MICU3: variants seen among roughly 807,000 people sequenced by gnomAD.
MICU3 encodes the protein calcium uptake protein 3, mitochondrial.
A neutral mutation model predicts 66.5 loss-of-function variants in MICU3; 62 were observed. The ratio of observed to expected loss-of-function variants is 0.93; its 90% CI spans 0.76 to 1.15. The LOEUF (loss-of-function observed/expected upper bound fraction) is 1.15, where lower values mean the gene tolerates loss of function less well. Among genes scored for constraint, MICU3 ranks in the 50% most tolerant of loss-of-function variants. The probability of loss-of-function intolerance (pLI) is 0.00; values close to 1 mark genes in which losing one functional copy is unlikely to be tolerated. For missense variants in MICU3, 779 were observed against 664.4 expected, an observed-to-expected ratio of 1.17 and a Z score of -1.90; for synonymous variants, 308 against 240.7, an observed-to-expected ratio of 1.28 and a Z score of -2.59.
At chr8:17,086,636 T>C (rs1363470607) in intron 6 of MICU3, among the ~76,000 whole-genome samples, 1 of 152,140 alleles carries the variant, frequency 6.6e-6, no homozygotes, top group South Asian at 2.1e-4. Flanking sequence ...ATGTCCATAC[T>C]GCCAAGTTCC....
downstream of MICU3, among the ~76,000 whole-genome samples, chr8:17,123,950 A>T (rs1803335344): frequency 3.1e-5 from 1 of 32,068 alleles, no homozygotes; most frequent in South Asian, 1.0e-3. Context: ...AAAGTCTTTA[A>T]AAAAAAAAAA....
chr8:17,057,400 T>C (rs377353185), intron 1 of MICU3, among the ~76,000 whole-genome samples: 7 of 152,290 alleles, frequency 4.6e-5, no homozygotes, highest in African/African-American at 1.7e-4. Flanking sequence ...TGAGAGTATG[T>C]GGTTACCTCC....
intron 3 of MICU3, among the ~76,000 whole-genome samples, chr8:17,072,941 C>T (rs1319004618): frequency 6.6e-6 from 1 of 151,390 alleles, no homozygotes; most frequent in African/African-American, 2.4e-5. Flanking sequence ...GGCTGGAGTG[C>T]AGTGAGTGGC....
intron 1 of MICU3, among the ~76,000 whole-genome samples, chr8:17,034,168 C>T (rs1812569203): frequency 6.6e-6 from 1 of 152,170 alleles, no homozygotes; most frequent in East Asian, 1.9e-4. Context: ...ATCTATGCTA[C>T]CTGTGTTATG....
At chr8:17,085,777 T>C (rs1441909786) in intron 6 of MICU3, among the ~76,000 whole-genome samples, 1 of 152,158 alleles carries the variant, frequency 6.6e-6, no homozygotes, top group Non-Finnish European at 1.5e-5. Context: ...TCCCTGTTCC[T>C]TTCTGTTATC....
chr8:17,108,031 A>G (rs766842925), intron 11 of MICU3, among the ~76,000 whole-genome samples: 5 of 152,210 alleles, frequency 3.3e-5, no homozygotes, highest in Non-Finnish European at 5.9e-5. Context: ...TATTGATTGG[A>G]TCATTTAAAA....
At chr8:17,060,432 C>T (rs752257873) in intron 1 of MICU3, among the ~76,000 whole-genome samples, 19 of 152,040 alleles carry the variant, frequency 1.2e-4, no homozygotes, top group Non-Finnish European at 2.5e-4. Context: ...CTCAGCCTCC[C>T]AAGTAGCTGG....
intron 13 of MICU3, among the ~76,000 whole-genome samples, chr8:17,118,083 G>A (rs1853059984): frequency 6.6e-6 from 1 of 152,142 alleles, no homozygotes; most frequent in Admixed American, 6.5e-5. Flanking sequence ...GATGCCAGAA[G>A]TACTTGAAAC....
Position 17,080,608 on chromosome 8 carries a change from T to A in MICU3, c.647-1085T>A, listed in dbSNP as rs976610548. Among the ~76,000 whole-genome samples, 7 of 152,248 alleles carry A rather than the reference T, an allele frequency of 4.6e-5. No individual in the cohort carries two copies. The East Asian group carries it at 1.4e-3, about 29-fold the overall frequency. The stretch of plus-strand genomic sequence containing the variant: ...TTAAGTATTGTATCTTTATATACAT[T>A]GACCATTCCAGAATCTTTCTCCCAT... On this transcript the variant is annotated intron_variant, in intron 4 of 14. Coordinates refer to ENST00000318063, the MANE Select transcript of MICU3 (RefSeq NM_181723.3).
intron 2 of MICU3, among the ~76,000 whole-genome samples, chr8:17,068,946 A>C (rs1227963763): frequency 1.3e-5 from 2 of 152,100 alleles, no homozygotes; most frequent in East Asian, 3.8e-4. Flanking sequence ...GGCAGGCATT[A>C]AATATTTACA....
intron 9 of MICU3, chr8:17,102,583 A>C (rs1801361774): frequency 6.6e-6 from 1 of 152,002 alleles, no homozygotes; most frequent in African/African-American, 2.4e-5. Context: ...TGCCTCTTCA[A>C]CTTAAAGTTC....
At chr8:17,051,087 A>G (rs1054022041) in intron 1 of MICU3, among the ~76,000 whole-genome samples, 2 of 152,182 alleles carry the variant, frequency 1.3e-5, no homozygotes, top group Admixed American at 6.5e-5. Flanking sequence ...ACTTGAGGAA[A>G]AATCAGTATC....
intron 3 of MICU3, among the ~76,000 whole-genome samples, chr8:17,073,207 A>G (rs1006225227): frequency 7.2e-5 from 11 of 152,244 alleles, no homozygotes; most frequent in Non-Finnish European, 1.6e-4. Context: ...AAATGTTTTC[A>G]GATTTGCCAC....
At chr8:17,138,418 G>A in the MICU3 span, among the ~76,000 whole-genome samples, 1 of 152,158 alleles carries the variant, frequency 6.6e-6, no homozygotes, top group Admixed American at 6.6e-5. Flanking sequence ...GGACCACGAG[G>A]AAATGACTGT....
At chr8:17,088,098 T>C (rs1799660780) in intron 7 of MICU3, among the ~76,000 whole-genome samples, 1 of 151,980 alleles carries the variant, frequency 6.6e-6, no homozygotes, top group Non-Finnish European at 1.5e-5. Context: ...AATATATTTA[T>C]GAAGTGTACG....
intron 8 of MICU3, among the ~76,000 whole-genome samples, chr8:17,092,214 T>C (rs912478349): frequency 6.6e-6 from 1 of 152,062 alleles, no homozygotes; most frequent in Non-Finnish European, 1.5e-5. Flanking sequence ...CATCACTGTA[T>C]GAACCATTTT....
At chr8:17,056,671 A>C (rs1464091666) in intron 1 of MICU3, among the ~76,000 whole-genome samples, 1 of 152,198 alleles carries the variant, frequency 6.6e-6, no homozygotes, top group Non-Finnish European at 1.5e-5. Flanking sequence ...GTGTTGGCTC[A>C]CAGGGAAGCT....
intron 8 of MICU3, among the ~76,000 whole-genome samples, chr8:17,092,422 A>C (rs1800169554): frequency 6.6e-6 from 1 of 152,064 alleles, no homozygotes; most frequent in Admixed American, 6.6e-5. Flanking sequence ...AAGCAGACTT[A>C]AATCGCAAAT....
Position 17,064,165 on chromosome 8 carries a change from A to T in MICU3, c.463A>T (p.Ile155Leu). ...RERRFRLFAS[I>L]ECEGQLFMTP... ...GAGGCGATTTCGTTTATTTGCTTCT[A>T]TAGAATGTGAAGGGCAGTTATTCAT... The change falls in exon 2 of 15, where the codon ATA becomes TTA. Residue 155 changes from isoleucine to leucine, a missense_variant. Coordinates refer to ENST00000318063, the MANE Select transcript of MICU3 (RefSeq NM_181723.3). 6.2e-7 allele frequency: 1 copy of T among 1,613,430 alleles called. No homozygotes were observed. The highest frequency in any genetic ancestry group is 8.5e-7 in the Non-Finnish European group (1 of 1,179,516).
Sources: allele counts gnomAD v4.1 joint callset (sites outside exome capture counted in the v4.1 genomes callset), GRCh38; gene constraint gnomAD v4.1.1; transcripts MANE v1.5; gene names NCBI Gene and HGNC (gene_info 2026-07-23, HGNC 2026-07-21).